ADGRL3: variants seen among roughly 807,000 people sequenced by gnomAD.
ADGRL3 encodes calcium-independent alpha-latrotoxin receptor 3.
Under a neutral mutation model 153.5 loss-of-function variants are expected in ADGRL3, and 62 were observed. That is an observed-to-expected ratio of 0.40 (90% CI 0.33 to 0.50). ADGRL3 has a LOEUF of 0.50. ADGRL3 is among the 20% of genes least tolerant of loss of function. ADGRL3 has a pLI of 0.47. For missense variants in ADGRL3, 1,641 were observed against 1,859.4 expected, an observed-to-expected ratio of 0.88 and a Z score of 2.16; for synonymous variants, 710 against 672.5, an observed-to-expected ratio of 1.06 and a Z score of -0.86.
At chr4:61,466,304 C>T (rs889270613) in intron 2 of ADGRL3, among the ~76,000 whole-genome samples, 3 of 151,952 alleles carry the variant, frequency 2.0e-5, no homozygotes, top group Admixed American at 6.6e-5. Context: ...GAAAAATTGT[C>T]GTCTCTAAAA....
chr4:62,068,579 C>G (rs1744239908), intron 26 of ADGRL3, among the ~76,000 whole-genome samples: 1 of 152,084 alleles, frequency 6.6e-6, no homozygotes, highest in South Asian at 2.1e-4. Flanking sequence ...CATTGACAAA[C>G]CGAAATAATA....
intron 4 of ADGRL3, among the ~76,000 whole-genome samples, chr4:61,580,478 A>T (rs2098919720): frequency 6.6e-6 from 1 of 152,082 alleles, no homozygotes; most frequent in Non-Finnish European, 1.5e-5. Flanking sequence ...TAACAGTTTC[A>T]GTGTCAATTC....
chr4:61,506,022 A>G (rs2098426051), intron 3 of ADGRL3, among the ~76,000 whole-genome samples: 1 of 152,034 alleles, frequency 6.6e-6, no homozygotes, highest in African/African-American at 2.4e-5. Flanking sequence ...TCTAATCTAA[A>G]CTGCTTTAGA....
intron 22 of ADGRL3, among the ~76,000 whole-genome samples, chr4:62,029,565 C>A (rs1419673392): frequency 6.6e-6 from 1 of 151,634 alleles, no homozygotes; most frequent in East Asian, 1.9e-4. Context: ...ACAAGTCCTG[C>A]AAGAATAAAC....
rs905617833 is a variant in ADGRL3, at chr4:61,756,982, G to A, written c.1399+23428G>A. ...CCAGGGATGAAGCCCACTTGATCATGGTGGATAAGCTTTTTGGTGTGCTGC... is the reference window on the plus strand; with the variant it reads ...CCAGGGATGAAGCCCACTTGATCATAGTGGATAAGCTTTTTGGTGTGCTGC... On this transcript the variant is annotated intron_variant, in intron 8 of 26. Transcript: ENST00000683033. Among the ~76,000 whole-genome samples, 23 of 152,182 alleles carry A rather than the reference G, an allele frequency of 1.5e-4. 1 individual carries two copies. Among genetic ancestry groups the A allele is most frequent in the Admixed American group, 1.4e-3 (22 of 15,278 alleles).
At chr4:61,352,369 C>G (rs2096067580) in intron 1 of ADGRL3, among the ~76,000 whole-genome samples, 2 of 151,854 alleles carry the variant, frequency 1.3e-5, no homozygotes, top group South Asian at 4.2e-4. Flanking sequence ...CTATTGTACA[C>G]TGAATAGACT....
chr4:61,925,683 G>C, intron 13 of ADGRL3, among the ~76,000 whole-genome samples: 1 of 152,046 alleles, frequency 6.6e-6, no homozygotes, highest in East Asian at 1.9e-4. Flanking sequence ...ACCAGATCTC[G>C]CAAGAACTCA....
chr4:61,970,696 C>CAAACTTG (rs1242714125), intron 17 of ADGRL3, among the ~76,000 whole-genome samples: 1 of 152,156 alleles, frequency 6.6e-6, no homozygotes, highest in African/African-American at 2.4e-5. Context: ...CAATTTGATA[C>CAAACTTG]AAACTTGAAT....
intron 1 of ADGRL3, among the ~76,000 whole-genome samples, chr4:61,311,382 G>A (rs923180628): frequency 1.3e-5 from 2 of 152,140 alleles, no homozygotes; most frequent in African/African-American, 2.4e-5. Context: ...GGCCAGGTCT[G>A]CTCACATTTT....
chr4:61,532,624 T>C (rs903176849), intron 4 of ADGRL3, among the ~76,000 whole-genome samples: 1 of 151,160 alleles, frequency 6.6e-6, no homozygotes, highest in African/African-American at 2.4e-5. Flanking sequence ...TCCAGCTGTT[T>C]GGTCAGATCC....
intron 5 of ADGRL3, among the ~76,000 whole-genome samples, chr4:61,673,723 T>G (rs1340949554): frequency 6.6e-6 from 1 of 151,350 alleles, no homozygotes; most frequent in Non-Finnish European, 1.5e-5. Context: ...CAATCAATAT[T>G]ATAATGTATC....
At chr4:61,316,995 C>T (rs74821945) in intron 1 of ADGRL3, among the ~76,000 whole-genome samples, 2,458 of 152,218 alleles carry the variant, frequency 0.016, 57 homozygotes, top group African/African-American at 0.051. Flanking sequence ...TTCTTTTAAG[C>T]CTTTTCCTTA....
chr4:61,839,052 A>C (rs757544009), intron 9 of ADGRL3, among the ~76,000 whole-genome samples: 1 of 152,140 alleles, frequency 6.6e-6, no homozygotes, highest in Non-Finnish European at 1.5e-5. Flanking sequence ...GGAGCAAGGA[A>C]ATGGGGAAGG....
At chr4:61,663,195 G>A (rs1486866415) in intron 5 of ADGRL3, among the ~76,000 whole-genome samples, 1 of 152,192 alleles carries the variant, frequency 6.6e-6, no homozygotes, top group African/African-American at 2.4e-5. Flanking sequence ...TGTGGGTGAT[G>A]GGAAGGAGAG....
intron 1 of ADGRL3, among the ~76,000 whole-genome samples, chr4:61,309,778 T>C (rs1270154578): frequency 6.6e-6 from 1 of 152,088 alleles, no homozygotes; most frequent in Non-Finnish European, 1.5e-5. Context: ...TAAATCATCT[T>C]TCCAAGAAAG....
At chr4:61,492,135 T>A (rs2098265503) in intron 2 of ADGRL3, among the ~76,000 whole-genome samples, 1 of 152,172 alleles carries the variant, frequency 6.6e-6, no homozygotes, top group African/African-American at 2.4e-5. Flanking sequence ...TAATGCCAAA[T>A]GGCATTTTTT....
intron 8 of ADGRL3, among the ~76,000 whole-genome samples, chr4:61,776,099 A>T (rs1220638447): frequency 6.6e-6 from 1 of 151,780 alleles, no homozygotes; most frequent in East Asian, 2.0e-4. Flanking sequence ...ACGGGGTTTC[A>T]CTGTGTTAGC....
At chr4:61,232,916 C>T (rs1391628966) in intron 1 of ADGRL3, among the ~76,000 whole-genome samples, 4 of 151,994 alleles carry the variant, frequency 2.6e-5, no homozygotes, top group Non-Finnish European at 5.9e-5. Context: ...TTTGACTTAC[C>T]CAACATTGTA....
At chr4:61,363,478 C>T (rs932888484) in intron 1 of ADGRL3, among the ~76,000 whole-genome samples, 14 of 152,054 alleles carry the variant, frequency 9.2e-5, no homozygotes, top group African/African-American at 3.4e-4. Flanking sequence ...GATGCCCAAC[C>T]TAATATACGC....
Sources: gnomAD v4.1 joint callset for allele counts (sites outside exome capture counted in the v4.1 genomes callset) on GRCh38, gnomAD v4.1.1 for gene constraint, MANE v1.5 for transcripts, NCBI Gene and HGNC (gene_info 2026-07-23, HGNC 2026-07-21) for gene names.